IQSEC1: variants seen among roughly 807,000 people sequenced by gnomAD.
The protein encoded by IQSEC1 is IQ motif and SEC7 domain-containing protein 1.
In IQSEC1, 31 loss-of-function variants were observed where a neutral mutation model predicts 91.0. The ratio of observed to expected loss-of-function variants is 0.34; its 90% CI spans 0.26 to 0.46. The LOEUF is 0.46. IQSEC1 is among the 20% of genes least tolerant of loss of function. IQSEC1 has a pLI of 1.00. For missense variants in IQSEC1, 1,388 were observed against 1,575.6 expected, an observed-to-expected ratio of 0.88 and a Z score of 2.02; for synonymous variants, 699 against 662.6, an observed-to-expected ratio of 1.05 and a Z score of -0.84.
chr3:13,218,152 G>A (rs1475886736), intron 1 of IQSEC1, among the ~76,000 whole-genome samples: 1 of 152,180 alleles, frequency 6.6e-6, no homozygotes, highest in Non-Finnish European at 1.5e-5. Context: ...TCGGGGGTGG[G>A]AGCAGGAGTG....
At chr3:13,086,157 C>T (rs1183213722) in intron 2 of IQSEC1, among the ~76,000 whole-genome samples, 1 of 152,214 alleles carries the variant, frequency 6.6e-6, no homozygotes, top group Non-Finnish European at 1.5e-5. Context: ...TTCTGATCAC[C>T]GCTTGCCTGC....
Position 12,992,352 on chromosome 3 carries a change from T to G in IQSEC1, c.24-50487A>C, listed in dbSNP as rs1405922597. 3.8e-4 allele frequency among the ~76,000 whole-genome samples: 33 copies of G among 85,970 alleles called. No homozygotes were observed. The highest frequency in any genetic ancestry group is 9.5e-4 in the South Asian group (2 of 2,102). The allele number at this position is 85,970 out of a possible 152,430, so 56.4% of individuals were successfully genotyped here. A position where few individuals can be genotyped will look rare whatever the true frequency, so the allele number is the denominator to read the frequency against. ...ATCTTTTCCTGTGGGGGGTGGGGGGTGGGAGGAGATGGCACCGCTAAGGCA... is the reference window on the plus strand; with the variant it reads ...ATCTTTTCCTGTGGGGGGTGGGGGGGGGGAGGAGATGGCACCGCTAAGGCA... On this transcript the variant is annotated intron_variant, in intron 1 of 13. Coordinates refer to ENST00000613206, the MANE Select transcript of IQSEC1 (RefSeq NM_001134382.3). The surrounding 1 kb of genome is among the most constrained non-coding windows in gnomAD (Gnocchi z 4.1).
At chr3:13,186,835 C>T (rs1693941949) in intron 1 of IQSEC1, among the ~76,000 whole-genome samples, 1 of 152,170 alleles carries the variant, frequency 6.6e-6, no homozygotes, top group Admixed American at 6.5e-5. Flanking sequence ...AATGGTCTTA[C>T]CTGGATCCTG....
intron 1 of IQSEC1, among the ~76,000 whole-genome samples, chr3:13,196,565 C>A (rs1694130926): frequency 6.6e-6 from 1 of 152,240 alleles, no homozygotes; most frequent in Non-Finnish European, 1.5e-5. Flanking sequence ...TGTCACTCAG[C>A]CCCATCTCCT....
At chr3:13,032,980 G>C (rs1283591354) in intron 1 of IQSEC1, among the ~76,000 whole-genome samples, 1 of 152,220 alleles carries the variant, frequency 6.6e-6, no homozygotes, top group Non-Finnish European at 1.5e-5. Flanking sequence ...CTCGGGGCCT[G>C]GAAACTGCAG....
rs3045648 is a variant in IQSEC1, at chr3:13,064,001, T to TA, written c.23+8990dup. On this transcript the variant is annotated intron_variant, in intron 1 of 13. Coordinates refer to ENST00000613206, the MANE Select transcript of IQSEC1 (RefSeq NM_001134382.3). ...ATAATCGTAGATTCATTTGCAGTTG[T>TA]AAAAAAAAAAAAAACAAAAAACAAT... 4.1e-3 allele frequency among the ~76,000 whole-genome samples: 553 copies of TA among 134,774 alleles called. 1 individual carries two copies. Among genetic ancestry groups the TA allele is most frequent in the African/African-American group, 8.4e-3 (244 of 29,096 alleles). 88.4% of individuals were successfully genotyped at this position (134,774 alleles called of 152,430 possible). A position where few individuals can be genotyped will look rare whatever the true frequency, so the allele number is the denominator to read the frequency against.
intron 1 of IQSEC1, among the ~76,000 whole-genome samples, chr3:13,257,567 C>T (rs565137630): frequency 6.6e-6 from 1 of 152,172 alleles, no homozygotes; most frequent in East Asian, 1.9e-4. Flanking sequence ...CAGGGAGACT[C>T]GGGACATCTT....
intron 1 of IQSEC1, among the ~76,000 whole-genome samples, chr3:13,242,904 G>A (rs1695043821): frequency 6.6e-6 from 1 of 152,022 alleles, no homozygotes; most frequent in Admixed American, 6.6e-5. Flanking sequence ...AGAAAAGGGA[G>A]GGATGCAGAG....
chr3:13,131,333 AT>A (rs1361765580), intron 2 of IQSEC1, among the ~76,000 whole-genome samples: 1 of 150,856 alleles, frequency 6.6e-6, no homozygotes, highest in Non-Finnish European at 1.5e-5. Context: ...ATATTTTCCC[AT>A]TTTTTTAAAC....
Position 12,994,719 on chromosome 3 carries a change from G to A in IQSEC1, c.24-52854C>T, listed in dbSNP as rs1468755430. Among the ~76,000 whole-genome samples the A allele has an allele frequency of 1.3e-5, 2 of 152,172 alleles. No individual in the cohort carries two copies. The highest frequency in any genetic ancestry group is 2.9e-5 in the Non-Finnish European group (2 of 68,028). The stretch of plus-strand genomic sequence containing the variant: ...GCGCACAGCTGCACCACGCTCCTCC[G>A]CGTCCCCTCCAGGACACACCCTCCT... On this transcript the variant is annotated intron_variant, in intron 1 of 13. Coordinates refer to ENST00000613206, the MANE Select transcript of IQSEC1 (RefSeq NM_001134382.3). The surrounding 1 kb of genome is among the most constrained non-coding windows in gnomAD (Gnocchi z 4.5).
intron 1 of IQSEC1, among the ~76,000 whole-genome samples, chr3:13,014,483 G>A (rs1336310602): frequency 1.3e-5 from 2 of 152,220 alleles, no homozygotes; most frequent in African/African-American, 4.8e-5. Flanking sequence ...TCTGCAGCGT[G>A]GGGGCAGGGG....
chr3:13,179,614 C>T (rs559603478), intron 1 of IQSEC1, among the ~76,000 whole-genome samples: 83 of 152,380 alleles, frequency 5.4e-4, no homozygotes, highest in Admixed American at 2.0e-3. Context: ...AGCCCTCGCT[C>T]GCTCTCGGCG....
At chr3:13,266,871 C>T (rs1259091566) in intron 1 of IQSEC1, among the ~76,000 whole-genome samples, 1 of 152,184 alleles carries the variant, frequency 6.6e-6, no homozygotes, top group East Asian at 1.9e-4. Flanking sequence ...GCTCCAGGGG[C>T]ACATCTGCTC....
At chr3:13,227,197 GAAAC>G (rs1694768073) in intron 1 of IQSEC1, among the ~76,000 whole-genome samples, 1 of 151,954 alleles carries the variant, frequency 6.6e-6, no homozygotes, top group Admixed American at 6.5e-5. Context: ...CCAACCTGGT[GAAAC>G]CCCGTCTCTA....
At chr3:13,273,796 C>T (rs2688687) in intron 1 of IQSEC1, among the ~76,000 whole-genome samples, 92,577 of 151,976 alleles carry the variant, frequency 0.61, 28,895 homozygotes, top group East Asian at 0.94. Flanking sequence ...AGCCAAAGTC[C>T]CCAGTGGGCC....
chr3:12,928,396 C>T (rs1027244375), intron 3 of IQSEC1, among the ~76,000 whole-genome samples: 8 of 152,156 alleles, frequency 5.3e-5, no homozygotes, highest in East Asian at 1.9e-4. Context: ...GGGCCTAGGC[C>T]GGTGATGAAG....
At chr3:12,990,113 C>T (rs1451001342) in intron 1 of IQSEC1, among the ~76,000 whole-genome samples, 1 of 152,238 alleles carries the variant, frequency 6.6e-6, no homozygotes, top group Non-Finnish European at 1.5e-5. Context: ...TTTATTAAAA[C>T]ACGTTGGCAC....
intron 1 of IQSEC1, among the ~76,000 whole-genome samples, chr3:13,012,451 TG>T (rs1702926936): frequency 6.6e-6 from 1 of 152,200 alleles, no homozygotes; most frequent in African/African-American, 2.4e-5. Flanking sequence ...TTCTCAGCCC[TG>T]AGTGCCATGT....
At chr3:13,094,979 C>A (rs1397858670) in intron 2 of IQSEC1, among the ~76,000 whole-genome samples, 1 of 152,138 alleles carries the variant, frequency 6.6e-6, no homozygotes, top group Non-Finnish European at 1.5e-5. Flanking sequence ...GCTGTGGCTG[C>A]GGTTTTGTTC....
Sources: allele counts gnomAD v4.1 joint callset (sites outside exome capture counted in the v4.1 genomes callset), GRCh38; gene constraint gnomAD v4.1.1; non-coding constraint Gnocchi (gnomAD v3.1); transcripts MANE v1.5; gene names NCBI Gene and HGNC (gene_info 2026-07-23, HGNC 2026-07-21).